The following GPC5 variants were observed in gnomAD, a reference collection of about 807,000 sequenced individuals.
The protein encoded by GPC5 is glypican-5.
Under a neutral mutation model 53.9 loss-of-function variants are expected in GPC5, and 47 were observed. That is an observed-to-expected ratio of 0.87 (90% CI 0.69 to 1.11). GPC5 has a LOEUF of 1.11. Ranked by LOEUF, GPC5 falls within the 50% of genes most tolerant of loss-of-function variation. GPC5 has a pLI of 0.00. For synonymous variants in GPC5, 286 were observed against 263.3 expected, an observed-to-expected ratio of 1.09 and a Z score of -0.84; for missense variants, 748 against 713.1, an observed-to-expected ratio of 1.05 and a Z score of -0.56.
chr13:92,211,880 G>C (rs2042377859), intron 7 of GPC5, among the ~76,000 whole-genome samples: 1 of 152,146 alleles, frequency 6.6e-6, no homozygotes, highest in African/African-American at 2.4e-5. Flanking sequence ...TATCCCCACT[G>C]CTGCTGGCAG....
intron 7 of GPC5, among the ~76,000 whole-genome samples, chr13:92,591,603 T>C (rs534124638): frequency 2.0e-5 from 3 of 152,290 alleles, no homozygotes; most frequent in African/African-American, 7.2e-5. Flanking sequence ...GATGAGAACA[T>C]TTAACATCCA....
intron 5 of GPC5, among the ~76,000 whole-genome samples, chr13:91,873,594 C>T (rs1022601815): frequency 2.6e-5 from 4 of 152,182 alleles, no homozygotes; most frequent in African/African-American, 7.2e-5. Context: ...CACCTTCCCC[C>T]ATGAGTGTGA....
At chr13:91,949,252 G>T (rs1384919495) in intron 6 of GPC5, among the ~76,000 whole-genome samples, 1 of 152,050 alleles carries the variant, frequency 6.6e-6, no homozygotes, top group East Asian at 1.9e-4. Flanking sequence ...GAATTCAAAT[G>T]AAAAAATAAA....
At chr13:92,320,126 G>T (rs2139221710) in intron 7 of GPC5, among the ~76,000 whole-genome samples, 1 of 152,192 alleles carries the variant, frequency 6.6e-6, no homozygotes, top group African/African-American at 2.4e-5. Flanking sequence ...GCAGGATATT[G>T]CTTATACATT....
At chr13:91,433,078 G>A (rs1879624142) in intron 1 of GPC5, among the ~76,000 whole-genome samples, 1 of 151,954 alleles carries the variant, frequency 6.6e-6, no homozygotes, top group Admixed American at 6.6e-5. Context: ...TGGAAGAGAA[G>A]TAATAACAAT....
At chr13:92,097,073 G>A (rs935449797) in intron 6 of GPC5, among the ~76,000 whole-genome samples, 18 of 152,290 alleles carry the variant, frequency 1.2e-4, no homozygotes, top group African/African-American at 4.1e-4. Context: ...TGTCTTAGAC[G>A]TATGAATGTT....
intron 7 of GPC5, among the ~76,000 whole-genome samples, chr13:92,434,758 A>T (rs1877233963): frequency 6.6e-6 from 1 of 152,210 alleles, no homozygotes; most frequent in African/African-American, 2.4e-5. Flanking sequence ...AGGTATTAAA[A>T]TACCCTCCTA....
At chr13:92,101,170 A>G (rs1034897022) in intron 6 of GPC5, among the ~76,000 whole-genome samples, 1 of 152,188 alleles carries the variant, frequency 6.6e-6, no homozygotes, top group African/African-American at 2.4e-5. Flanking sequence ...GAATTAACGA[A>G]TTTGAAATGA....
chr13:92,081,565 G>C (rs1396549155), intron 6 of GPC5, among the ~76,000 whole-genome samples: 1 of 152,040 alleles, frequency 6.6e-6, no homozygotes, highest in Non-Finnish European at 1.5e-5. Flanking sequence ...CCCTTTACTA[G>C]TGCCAGATGA....
intron 2 of GPC5, among the ~76,000 whole-genome samples, chr13:91,510,091 A>G (rs550385294): frequency 4.7e-4 from 71 of 152,236 alleles, no homozygotes; most frequent in African/African-American, 1.6e-3. Context: ...TTGTTTTATC[A>G]TGTTAAATAT....
intron 7 of GPC5, among the ~76,000 whole-genome samples, chr13:92,519,724 G>A (rs1257680064): frequency 1.3e-5 from 2 of 152,010 alleles, no homozygotes; most frequent in African/African-American, 2.4e-5. Flanking sequence ...AAGAACTAGA[G>A]AAGCAAGAGC....
intron 7 of GPC5, among the ~76,000 whole-genome samples, chr13:92,232,747 T>G (rs1321961818): frequency 6.6e-6 from 1 of 151,272 alleles, no homozygotes; most frequent in Non-Finnish European, 1.5e-5. Context: ...TTTTCATGAT[T>G]AGTGGATCTA....
intron 2 of GPC5, among the ~76,000 whole-genome samples, chr13:91,480,962 T>C (rs894992325): frequency 2.0e-5 from 3 of 151,498 alleles, no homozygotes; most frequent in Non-Finnish European, 4.4e-5. Context: ...TGGAGGTTTT[T>C]TTTTTTCCCA....
At chr13:92,316,810 G>C (rs1271349052) in intron 7 of GPC5, among the ~76,000 whole-genome samples, 2 of 151,992 alleles carry the variant, frequency 1.3e-5, no homozygotes, top group Admixed American at 6.6e-5. Flanking sequence ...TTTTGATGTT[G>C]AGCTTTATTT....
At chr13:91,765,621 C>G (rs775845836) in intron 5 of GPC5, among the ~76,000 whole-genome samples, 1 of 152,192 alleles carries the variant, frequency 6.6e-6, no homozygotes, top group Admixed American at 6.5e-5. Context: ...CTTGGAATCT[C>G]AAACTGGTAG....
At chr13:92,696,232 G>A (rs1483558545) in intron 7 of GPC5, among the ~76,000 whole-genome samples, 2 of 152,210 alleles carry the variant, frequency 1.3e-5, no homozygotes, top group East Asian at 3.9e-4. Context: ...ATTGCTTGGT[G>A]AAATGGCATT....
At chr13:91,617,280 G>C (rs1298969055) in intron 2 of GPC5, among the ~76,000 whole-genome samples, 1 of 152,146 alleles carries the variant, frequency 6.6e-6, no homozygotes, top group Non-Finnish European at 1.5e-5. Context: ...AATTTATTCT[G>C]CATAGGCTGG....
At chr13:92,815,280 A>C (rs1223229989) in intron 7 of GPC5, among the ~76,000 whole-genome samples, 1 of 152,018 alleles carries the variant, frequency 6.6e-6, no homozygotes, top group African/African-American at 2.4e-5. Flanking sequence ...GACTCCATGA[A>C]GAGAGGATAT....
chr13:91,562,724 C>A (rs984281190), intron 2 of GPC5, among the ~76,000 whole-genome samples: 7 of 150,492 alleles, frequency 4.7e-5, no homozygotes, highest in African/African-American at 1.5e-4. Flanking sequence ...TGGCCAAGGA[C>A]CATTATTTCT....
Sources: allele counts gnomAD v4.1 joint callset (sites outside exome capture counted in the v4.1 genomes callset), GRCh38; gene constraint gnomAD v4.1.1; transcripts MANE v1.5; gene names NCBI Gene and HGNC (gene_info 2026-07-23, HGNC 2026-07-21).